Variants in MYBPC2 observed in about 807,000 individuals in gnomAD.
The protein encoded by MYBPC2 is myosin-binding protein C, fast-type.
A neutral mutation model predicts 137.0 loss-of-function variants in MYBPC2; 122 were observed. The observed-to-expected ratio is 0.89, with a 90% CI of 0.77 to 1.03. The LOEUF is 1.03. Among genes scored for constraint, MYBPC2 ranks in the 50% least tolerant of loss-of-function variants. The probability of loss-of-function intolerance (pLI) is 0.00; values close to 1 mark genes in which losing one functional copy is unlikely to be tolerated. For synonymous variants in MYBPC2, 626 were observed against 612.3 expected (o/e 1.02, Z -0.33); for missense variants, 1,500 against 1,534.4 (o/e 0.98, Z 0.37).
chr19:50,447,959 G>A (rs531807758), intron 12 of MYBPC2, among the ~76,000 whole-genome samples: 12 of 152,278 alleles, frequency 7.9e-5, no homozygotes, highest in East Asian at 3.9e-4. Context: ...CTTTGCACAC[G>A]CTGGTCCCTC....
intron 20 of MYBPC2, among the ~76,000 whole-genome samples, chr19:50,456,229 T>TCATCCATC (rs143679406): frequency 6.1e-4 from 88 of 144,944 alleles, no homozygotes; most frequent in Middle Eastern, 3.6e-3. Flanking sequence ...TTCCATCTAT[T>TCATCCATC]CATCCATCCA....
At chr19:50,445,825 CAGACCG>C in intron 11 of MYBPC2, 49 bp from the exon 12 acceptor site, 15 of 1,523,782 alleles carry the variant, frequency 9.8e-6, no homozygotes, top group Middle Eastern at 1.7e-4. Flanking sequence ...CTCCAAGACC[CAGACCG>C]AGAGCTGTGC....
At chr19:50,450,490 A>G (rs1032742457) in intron 13 of MYBPC2, among the ~76,000 whole-genome samples, 18 of 152,058 alleles carry the variant, frequency 1.2e-4, no homozygotes, top group African/African-American at 4.4e-4. Context: ...GCTGGTCTCG[A>G]ACTCCTGGGC....
chr19:50,441,626 C>T (rs944462947), intron 8 of MYBPC2, among the ~76,000 whole-genome samples: 7 of 151,878 alleles, frequency 4.6e-5, no homozygotes, highest in African/African-American at 1.5e-4. Flanking sequence ...GATCACCTGA[C>T]GTCAGGAGTT....
rs752738768 is a variant in MYBPC2 at position 50,450,862 on chromosome 19, C to T, written c.1506C>T (p.Pro502=). 2.2e-5 allele frequency: 34 copies of T among 1,578,896 alleles called. No individual in the cohort carries two copies. The highest frequency in any genetic ancestry group is 1.2e-4 in the East Asian group (5 of 42,806). Residue 502 remains proline, a synonymous_variant, in exon 14 of 28, where the codon CCC becomes CCT. Coordinates refer to ENST00000357701, the MANE Select transcript of MYBPC2 (RefSeq NM_004533.4). ...FHKLVIDDVR[P]EDEGDYTFVP... ...AGCTGGTGATCGATGACGTCCGCCC[C>T]GAGGATGAGGGAGACTACACGTTTG...
At position 50,454,276 on chromosome 19, in the gene MYBPC2, C is replaced by G. The variant is rs747991496; in HGVS notation, c.1921C>G (p.Pro641Ala). The change falls in exon 18 of 28, where the codon CCC becomes GCC. Residue 641 changes from proline (P) to alanine (A), a missense_variant. Pro to Ala is a conservative substitution (Grantham distance 27). Transcript: ENST00000357701. ...IFLQVVDVPD[P>A]PEAVRITSVG... ...CCTGCCCCCTGCAGATGTCCCAGAC[C>G]CCCCGGAGGCTGTGCGCATCACCTC... The G allele has an allele frequency of 8.1e-6, 13 of 1,613,902 alleles. No individual in the cohort carries two copies. Among genetic ancestry groups the G allele is most frequent in the Non-Finnish European group, 1.1e-5 (13 of 1,179,864 alleles).
In MYBPC2 at chr19:50,462,042, AG is replaced by A; in HGVS notation, c.3228+9del. On this transcript the variant is annotated splice_region_variant and intron_variant, in intron 26 of 27. Coordinates refer to ENST00000357701, the MANE Select transcript of MYBPC2 (RefSeq NM_004533.4). ...CTGTCAGAGGCCACCCGAAGGTGCCAGGGCAGGGACCCAGATCTGCGTGTGT... is the reference window on the plus strand; with the variant it reads ...CTGTCAGAGGCCACCCGAAGGTGCCAGGCAGGGACCCAGATCTGCGTGTGT... 1.3e-6 allele frequency: 2 copies of A among 1,571,640 alleles called. No homozygotes were observed. The highest frequency in any genetic ancestry group is 1.7e-6 in the Non-Finnish European group (2 of 1,158,282).
Position 50,451,323 on chromosome 19 carries a change from G to T in MYBPC2, c.1609+14G>T. 6.2e-7 allele frequency: 1 copy of T among 1,613,402 alleles called. No homozygotes were observed. The highest frequency in any genetic ancestry group is 8.5e-7 in the Non-Finnish European group (1 of 1,179,816). On this transcript the variant is annotated intron_variant, in intron 15 of 27. Coordinates refer to ENST00000357701, the MANE Select transcript of MYBPC2 (RefSeq NM_004533.4). ...TTCCCAAGCAAGGTGAGCACCACGGGCTGCGCTGGGAGCGGGTCTGAGGGA... is the reference window on the plus strand; with the variant it reads ...TTCCCAAGCAAGGTGAGCACCACGGTCTGCGCTGGGAGCGGGTCTGAGGGA...
At chr19:50,459,035 G>GTC in intron 22 of MYBPC2, 29 bp downstream of exon 22, 1 of 1,584,546 alleles carries the variant, frequency 6.3e-7, no homozygotes, top group African/African-American at 1.3e-5. Flanking sequence ...CGGGCCGGGG[G>GTC]TCCGCTCTCG....
At chr19:50,446,912 A>AGGAGGC (rs2039811066) in intron 12 of MYBPC2, among the ~76,000 whole-genome samples, 1 of 150,634 alleles carries the variant, frequency 6.6e-6, no homozygotes, top group East Asian at 2.0e-4. Flanking sequence ...GCTAGAATCC[A>AGGAGGC]GGAGGCAGAG....
At chr19:50,451,755 C>G in intron 15 of MYBPC2, 109 bp from the exon 16 acceptor site, 1 of 1,469,310 alleles carries the variant, frequency 6.8e-7, no homozygotes, top group East Asian at 2.5e-5. Flanking sequence ...ACATGGATCC[C>G]TGTGTCTCTG....
At chr19:50,455,009 C>A in intron 18 of MYBPC2, 99 bp from the exon 19 acceptor site, 2 of 1,169,988 alleles carry the variant, frequency 1.7e-6, no homozygotes, top group Non-Finnish European at 2.4e-6. Context: ...TCGGACCGCC[C>A]TGGCCATGCG....
chr19:50,461,935 G>A lies in MYBPC2; in HGVS notation c.3127G>A (p.Asp1043Asn). The A allele has an allele frequency of 6.3e-7, 1 of 1,595,932 alleles. No homozygotes were observed. The highest frequency in any genetic ancestry group is 8.5e-7 in the Non-Finnish European group (1 of 1,170,748). The stretch of plus-strand genomic sequence containing the variant: ...CAAACCGTTCGAGTATAAGGAGCAT[G>A]ACTTCCGGATGGCTCCCAAGTTCCT... Reference protein sequence around the residue: ...TFKPFEYKEHDFRMAPKFLTP... With the variant: ...TFKPFEYKEHNFRMAPKFLTP... Residue 1043 changes from aspartate (D) to asparagine (N), a missense_variant, in exon 26 of 28, where the codon GAC becomes AAC. By Grantham distance (23) the Asp-to-Asn change is conservative. Coordinates refer to ENST00000357701, the MANE Select transcript of MYBPC2 (RefSeq NM_004533.4).
rs572390648 is a variant in MYBPC2, at chr19:50,458,699, G to T, written c.2451G>T (p.Ala817=). ...ILFRVVGVNI[A]GRSEPATLAQ... The stretch of plus-strand genomic sequence containing the variant: ...TCCGAGTAGTTGGGGTCAACATCGC[G>T]GGGCGCAGCGAGCCGGCCACCCTGG... Residue 817 remains alanine (A), a synonymous_variant, in exon 21 of 28, where the codon GCG becomes GCT. Transcript: ENST00000357701. 1.1e-5 allele frequency: 18 copies of T among 1,610,768 alleles called. No homozygotes were observed. In the South Asian group the frequency reaches 1.9e-4, roughly 17 times the overall value.
At chr19:50,437,750 A>T in intron 7 of MYBPC2, 32 bp downstream of exon 7, 1 of 1,583,540 alleles carries the variant, frequency 6.3e-7, no homozygotes, top group Non-Finnish European at 8.6e-7. Flanking sequence ...GAGAGGGGAG[A>T]TGGGACTCAA....
Position 50,448,307 on chromosome 19 carries a change from T to A in MYBPC2, c.1389T>A (p.Ser463=), listed in dbSNP as rs769411646. The A allele has an allele frequency of 6.2e-7, 1 of 1,613,824 alleles. No homozygotes were observed. Among genetic ancestry groups the A allele is most frequent in the Non-Finnish European group, 8.5e-7 (1 of 1,179,816 alleles). Residue 463 remains serine (S), a synonymous_variant, in exon 13 of 28, where the codon TCT becomes TCA. Coordinates refer to ENST00000357701, the MANE Select transcript of MYBPC2 (RefSeq NM_004533.4). ...SEQAVFKCEV[S]DEKVTGKWYK... is the part of the protein sequence containing the mutation. ...AAGCTGTGTTCAAGTGCGAGGTGTC[T>A]GATGAGAAAGTGACGGGCAAGTGGT... is the stretch of plus-strand genomic sequence containing the variant.
At position 50,434,768 on chromosome 19, in the gene MYBPC2, G is replaced by T. The variant is rs375181752; in HGVS notation, c.20-393G>T. Among the ~76,000 whole-genome samples, 202 of 152,326 alleles carry T rather than the reference G, an allele frequency of 1.3e-3. 1 individual carries two copies. Among genetic ancestry groups the T allele is most frequent in the African/African-American group, 4.4e-3 (183 of 41,566 alleles). On this transcript the variant is annotated intron_variant, in intron 1 of 27. Transcript: ENST00000357701. The stretch of plus-strand genomic sequence containing the variant: ...TGTAGCTGCAGACCCAGCCGGCAAG[G>T]AACAGCAGGCAGGGCAGGGGAAGGA...
At chr19:50,454,426 T>TG (rs1380282643) in intron 18 of MYBPC2, 57 bp downstream of exon 18, 101 of 1,284,672 alleles carry the variant, frequency 7.9e-5, no homozygotes, top group Non-Finnish European at 9.7e-5. Context: ...TTCTGTTTTT[T>TG]TTTTTTTTTT....
Position 50,442,258 on chromosome 19 carries a change from C to G in MYBPC2, c.847C>G (p.Pro283Ala). 1 of 1,606,266 alleles carries G rather than the reference C, an allele frequency of 6.2e-7. No individual in the cohort carries two copies. The highest frequency in any genetic ancestry group is 8.5e-7 in the Non-Finnish European group (1 of 1,176,602). The change falls in exon 9 of 28, where the codon CCA becomes GCA. Residue 283 changes from proline to alanine, a missense_variant. By Grantham distance (27) the Pro-to-Ala change is conservative (BLOSUM62 -1). Coordinates refer to ENST00000357701, the MANE Select transcript of MYBPC2 (RefSeq NM_004533.4). ...KIKLMVEISD[P>A]DLTLKWFKNG... ...CAAGTTGATGGTAGAGATCAGCGAC[C>G]CAGACCTGACCCTCAAGTGGTTCAA...
Sources: gnomAD v4.1 joint callset for allele counts (sites outside exome capture counted in the v4.1 genomes callset) on GRCh38, gnomAD v4.1.1 for gene constraint, MANE v1.5 for transcripts, NCBI Gene and HGNC (gene_info 2026-07-23, HGNC 2026-07-21) for gene names.